The following ALDH5A1 variants were observed in gnomAD, a reference collection of about 807,000 sequenced individuals.
The protein encoded by ALDH5A1 is aldehyde dehydrogenase 5 family member A1, also known as succinate-semialdehyde dehydrogenase, mitochondrial.
A neutral mutation model predicts 54.7 loss-of-function variants in ALDH5A1; 33 were observed. That is an observed-to-expected ratio of 0.60 (90% CI 0.46 to 0.81). The LOEUF is 0.81. Ranked by LOEUF, ALDH5A1 falls within the 30% of genes least tolerant of loss-of-function variation. The pLI is 0.00. For synonymous variants in ALDH5A1, 294 were observed against 292.7 expected, an observed-to-expected ratio of 1.00 and a Z score of -0.05; for missense variants, 657 against 711.0, an observed-to-expected ratio of 0.92 and a Z score of 0.86.
At chr6:24,506,486 C>T (rs1015291501) in intron 4 of ALDH5A1, among the ~76,000 whole-genome samples, 10 of 151,690 alleles carry the variant, frequency 6.6e-5, no homozygotes, top group South Asian at 2.1e-4. Context: ...CTCCTGACCT[C>T]GTGATCCACC....
At chr6:24,526,966 G>C (rs1320700423) in intron 7 of ALDH5A1, among the ~76,000 whole-genome samples, 1 of 7,184 alleles carries the variant, frequency 1.4e-4, no homozygotes, top group African/African-American at 3.0e-4. Context: ...ATATATATAT[G>C]TGTGTGTGTA....
At chr6:24,530,490 C>T (rs1381760833) in intron 8 of ALDH5A1, among the ~76,000 whole-genome samples, 1 of 152,192 alleles carries the variant, frequency 6.6e-6, no homozygotes, top group Non-Finnish European at 1.5e-5. Flanking sequence ...ATCTTTAACC[C>T]CTTGCACCGT....
At chr6:24,529,681 T>TTTG (rs1759891801) in intron 8 of ALDH5A1, among the ~76,000 whole-genome samples, 1 of 141,374 alleles carries the variant, frequency 7.1e-6, no homozygotes, top group Non-Finnish European at 1.5e-5. Flanking sequence ...TTTTTTTTTT[T>TTTG]TTTTTTTTTT....
chr6:24,530,148 C>T (rs1261321611), intron 8 of ALDH5A1, among the ~76,000 whole-genome samples: 3 of 152,136 alleles, frequency 2.0e-5, no homozygotes, highest in East Asian at 1.9e-4. Context: ...ATTCCTGATT[C>T]ATTCCTGATG....
chr6:24,503,451 C>G lies in ALDH5A1; in HGVS notation c.609+18C>G. Reference sequence around the variant, plus strand: ...TCACCCCGGTAGGTGACAGGATCAGCAAGATCCTAGGGTGGGAGATTGGAT... The same window carrying G: ...TCACCCCGGTAGGTGACAGGATCAGGAAGATCCTAGGGTGGGAGATTGGAT... On this transcript the variant is annotated intron_variant, in intron 3 of 9. Coordinates refer to ENST00000357578, the MANE Select transcript of ALDH5A1 (RefSeq NM_001080.3). The G allele has an allele frequency of 1.9e-6, 3 of 1,609,504 alleles. No homozygotes were observed. Among genetic ancestry groups the G allele is most frequent in the Non-Finnish European group, 1.7e-6 (2 of 1,179,452 alleles).
chr6:24,520,878 C>G (rs967465056), intron 6 of ALDH5A1, among the ~76,000 whole-genome samples: 12 of 152,174 alleles, frequency 7.9e-5, no homozygotes, highest in Non-Finnish European at 1.2e-4. Context: ...GTCCTTTAGT[C>G]AAATTGTTCT....
chr6:24,506,446 T>G (rs1034087819), intron 4 of ALDH5A1, among the ~76,000 whole-genome samples: 2 of 151,624 alleles, frequency 1.3e-5, no homozygotes, highest in African/African-American at 4.8e-5. Flanking sequence ...AGAGACTGGG[T>G]TTCACCATCT....
At chr6:24,515,693 G>T (rs971791476) in intron 5 of ALDH5A1, among the ~76,000 whole-genome samples, 8 of 152,200 alleles carry the variant, frequency 5.3e-5, no homozygotes, top group African/African-American at 1.9e-4. Flanking sequence ...CTGCACTCCA[G>T]ACTGGGTGAC....
intron 5 of ALDH5A1, among the ~76,000 whole-genome samples, chr6:24,519,089 C>CTTTTG (rs1009058529): frequency 2.5e-4 from 38 of 151,876 alleles, no homozygotes; most frequent in East Asian, 5.8e-4. Flanking sequence ...GTGTTTTTGT[C>CTTTTG]TTTTGTTTTG....
intron 5 of ALDH5A1, among the ~76,000 whole-genome samples, chr6:24,516,341 C>T: frequency 6.9e-6 from 1 of 144,424 alleles, no homozygotes; most frequent in East Asian, 2.0e-4. Context: ...GAGGCTGAGG[C>T]AGGAGAATGG....
intron 6 of ALDH5A1, 85 bp downstream of exon 6, chr6:24,520,629 TGTGA>T (rs751872981): frequency 3.6e-4 from 560 of 1,549,394 alleles, no homozygotes; most frequent in East Asian, 1.6e-3. Flanking sequence ...TATGTGTGCA[TGTGA>T]GTGTGTGTGT....
At chr6:24,515,097 C>G in intron 4 of ALDH5A1, 70 bp from the exon 5 acceptor site, 1 of 1,311,224 alleles carries the variant, frequency 7.6e-7, no homozygotes, top group Admixed American at 2.3e-5. Flanking sequence ...ATTTATTTCT[C>G]TTTTCTTTTT....
At chr6:24,498,421 A>G (rs899445715) in intron 1 of ALDH5A1, among the ~76,000 whole-genome samples, 14 of 152,172 alleles carry the variant, frequency 9.2e-5, no homozygotes, top group African/African-American at 3.4e-4. Flanking sequence ...GAGTCCCACA[A>G]GGCCCCACGA....
chr6:24,533,601 T>TGTGGAGTGCCCTTTTG lies in ALDH5A1; in HGVS notation c.1506_1521dup (p.Lys508ProfsTer20), dbSNP rs1759979356. 2 of 1,614,162 alleles carry TGTGGAGTGCCCTTTTG rather than the reference T, an allele frequency of 1.2e-6. No individual in the cohort carries two copies. The highest frequency in any genetic ancestry group is 8.5e-7 in the Non-Finnish European group (1 of 1,180,016). ...GCGTCAACGAAGGATTAATTTCCTCTGTGGAGTGCCCTTTTGGTGGAGTGA... is the reference window on the plus strand; with the variant it reads ...GCGTCAACGAAGGATTAATTTCCTCTGTGGAGTGCCCTTTTGGTGGAGTGCCCTTTTGGTGGAGTGA... On this transcript the variant is annotated frameshift_variant, in exon 10 of 10. Coordinates refer to ENST00000357578, the MANE Select transcript of ALDH5A1 (RefSeq NM_001080.3). LOFTEE classifies it high-confidence loss of function.
At chr6:24,505,579 G>C (rs546123243) in intron 4 of ALDH5A1, among the ~76,000 whole-genome samples, 2 of 152,186 alleles carry the variant, frequency 1.3e-5, no homozygotes, top group Admixed American at 1.3e-4. Context: ...CCTCTGTCTG[G>C]AGCAGTCTCC....
At chr6:24,497,799 T>A (rs962452608) in intron 1 of ALDH5A1, among the ~76,000 whole-genome samples, 1 of 152,166 alleles carries the variant, frequency 6.6e-6, no homozygotes, top group Non-Finnish European at 1.5e-5. Flanking sequence ...AGGACTTGGT[T>A]TTTACTTTGA....
chr6:24,502,630 T>C, intron 2 of ALDH5A1, 24 bp downstream of exon 2: 1 of 1,585,528 alleles, frequency 6.3e-7, no homozygotes, highest in Non-Finnish European at 8.7e-7. Context: ...TCTGGCTTGG[T>C]GCACTGAGAA....
rs1447004106 is a variant in ALDH5A1, at chr6:24,536,023, T to C, written c.*2311T>C. On this transcript the variant is annotated 3_prime_UTR_variant, in exon 10 of 10. Transcript: ENST00000357578. ...ACTCATTGTATATCCTTGATCAATT[T>C]TCTAATTAAAGGAAATAGCTTATTG... 1.3e-5 allele frequency: 2 copies of C among 152,252 alleles called. No homozygotes were observed. The highest frequency in any genetic ancestry group is 4.8e-5 in the African/African-American group (2 of 41,458). The allele number at this position is 152,252 out of a possible 1,614,324, so 9.4% of individuals were successfully genotyped here. A position where few individuals can be genotyped will look rare whatever the true frequency, so the allele number is the denominator to read the frequency against.
intron 5 of ALDH5A1, among the ~76,000 whole-genome samples, chr6:24,519,089 CTTTTG>C (rs1009058529): frequency 9.2e-5 from 14 of 151,878 alleles, no homozygotes; most frequent in Admixed American, 7.2e-4. Context: ...GTGTTTTTGT[CTTTTG>C]TTTTGTTTTG....
Sources: gnomAD v4.1 joint callset for allele counts (sites outside exome capture counted in the v4.1 genomes callset) on GRCh38, gnomAD v4.1.1 for gene constraint, MANE v1.5 for transcripts, NCBI Gene and HGNC (gene_info 2026-07-23, HGNC 2026-07-21) for gene names.